Variants in RPS6KA2 observed in about 807,000 individuals in gnomAD.
RPS6KA2 encodes the protein ribosomal protein S6 kinase A2.
A neutral mutation model predicts 91.8 loss-of-function variants in RPS6KA2; 42 were observed. The ratio of observed to expected loss-of-function variants is 0.46; its 90% CI spans 0.36 to 0.59. The LOEUF is 0.59. Among genes scored for constraint, RPS6KA2 ranks in the 20% least tolerant of loss-of-function variants. The pLI, the probability that RPS6KA2 is intolerant of heterozygous loss-of-function variation, is 0.00. For missense variants in RPS6KA2, 798 were observed against 978.5 expected (o/e 0.82, Z 2.46); for synonymous variants, 414 against 393.6 (o/e 1.05, Z -0.61).
chr6:166,749,909 G>C (rs1791223400), intron 2 of RPS6KA2, among the ~76,000 whole-genome samples: 1 of 151,260 alleles, frequency 6.6e-6, no homozygotes, highest in African/African-American at 2.4e-5. Context: ...ACTAAGGCAG[G>C]AGGCTGGGCA....
intron 1 of RPS6KA2, among the ~76,000 whole-genome samples, chr6:166,861,900 ACAATGCCGTGCGTGTATACACACG>A (rs1394583120): frequency 1.3e-5 from 2 of 152,378 alleles, no homozygotes; most frequent in East Asian, 1.9e-4. Context: ...TACACCACAC[ACAATGCCGTGCGTGTATACACACG>A]CAATGTTTAT....
intron 2 of RPS6KA2, among the ~76,000 whole-genome samples, chr6:166,842,194 T>G (rs993197652): frequency 6.6e-6 from 1 of 152,188 alleles, no homozygotes; most frequent in Admixed American, 6.5e-5. Flanking sequence ...GCACAGTATC[T>G]GCTAGGGGTC....
chr6:166,719,733 T>C (rs1164437721), intron 2 of RPS6KA2, among the ~76,000 whole-genome samples: 1 of 152,242 alleles, frequency 6.6e-6, no homozygotes, highest in Admixed American at 6.5e-5. Flanking sequence ...TCAATCTCAC[T>C]AGTTTCAGAC....
intron 1 of RPS6KA2, among the ~76,000 whole-genome samples, chr6:166,575,538 G>C (rs1359011949): frequency 6.6e-6 from 1 of 152,200 alleles, no homozygotes; most frequent in African/African-American, 2.4e-5. Context: ...GATGGGTTTG[G>C]TGTTGCTTTT....
At chr6:166,832,287 C>T (rs984546406) in intron 2 of RPS6KA2, among the ~76,000 whole-genome samples, 4 of 152,110 alleles carry the variant, frequency 2.6e-5, no homozygotes, top group Non-Finnish European at 4.4e-5. Flanking sequence ...GATTTGGACA[C>T]ATTGGCTGTG....
chr6:166,695,375 G>A (rs1789326991), intron 2 of RPS6KA2, among the ~76,000 whole-genome samples: 1 of 152,232 alleles, frequency 6.6e-6, no homozygotes, highest in Non-Finnish European at 1.5e-5. Context: ...GTGTCATTGA[G>A]GAGACCCACA....
intron 10 of RPS6KA2, among the ~76,000 whole-genome samples, chr6:166,478,034 C>T (rs1781042759): frequency 6.6e-6 from 1 of 152,206 alleles, no homozygotes; most frequent in African/African-American, 2.4e-5. Flanking sequence ...CTCCACTTCT[C>T]CTTTCTGACT....
At chr6:166,844,076 AT>A (rs1366609743) in intron 2 of RPS6KA2, among the ~76,000 whole-genome samples, 9 of 152,162 alleles carry the variant, frequency 5.9e-5, no homozygotes, top group Admixed American at 5.9e-4. Flanking sequence ...AAATAAAAAA[AT>A]AATCACAACT....
chr6:166,810,619 G>A (rs567190886), intron 2 of RPS6KA2, among the ~76,000 whole-genome samples: 1 of 152,284 alleles, frequency 6.6e-6, no homozygotes, highest in East Asian at 1.9e-4. Context: ...TTTGTGGGTC[G>A]AGGCTGTCTT....
intron 1 of RPS6KA2, among the ~76,000 whole-genome samples, chr6:166,555,295 G>A (rs1583275443): frequency 6.6e-6 from 1 of 152,300 alleles, no homozygotes; most frequent in East Asian, 1.9e-4. Flanking sequence ...AAGTCACATA[G>A]CTCTAGACAC....
At chr6:166,421,812 G>C (rs142635631) in intron 17 of RPS6KA2, among the ~76,000 whole-genome samples, 3 of 152,076 alleles carry the variant, frequency 2.0e-5, no homozygotes, top group Non-Finnish European at 4.4e-5. Flanking sequence ...TGAGGAAAAC[G>C]TCATTTTCCT....
chr6:166,600,688 A>C (rs2029954954), intron 1 of RPS6KA2, among the ~76,000 whole-genome samples: 1 of 152,250 alleles, frequency 6.6e-6, no homozygotes. Flanking sequence ...AAGTTGTTGC[A>C]CTTGCCCTAT....
At chr6:166,844,069 T>TA (rs952604303) in intron 2 of RPS6KA2, among the ~76,000 whole-genome samples, 1 of 151,428 alleles carries the variant, frequency 6.6e-6, no homozygotes, top group African/African-American at 2.4e-5. Flanking sequence ...ATAGCATAAA[T>TA]AAAAAAATAA....
At chr6:166,740,852 G>T (rs953709812) in intron 2 of RPS6KA2, among the ~76,000 whole-genome samples, 7 of 152,270 alleles carry the variant, frequency 4.6e-5, no homozygotes, top group African/African-American at 1.7e-4. Context: ...AAATGCAGAT[G>T]AAAATATTCC....
rs560477073 is a variant in RPS6KA2, at chr6:166,566,617, C to A, written c.100-27833G>T. Among the ~76,000 whole-genome samples, 5 of 152,344 alleles carry A rather than the reference C, an allele frequency of 3.3e-5. No homozygotes were observed. The East Asian group carries it at 7.7e-4, about 24-fold the overall frequency. On this transcript the variant is annotated intron_variant, in intron 1 of 20. Transcript: ENST00000265678. ...GGAAGTCCATGCTGGGTCTGCGGAGCCTGTCTTGCACAGGCCCATGGGTCT... is the reference window on the plus strand; with the variant it reads ...GGAAGTCCATGCTGGGTCTGCGGAGACTGTCTTGCACAGGCCCATGGGTCT...
chr6:166,693,683 G>C (rs1329688379), intron 2 of RPS6KA2, among the ~76,000 whole-genome samples: 1 of 152,206 alleles, frequency 6.6e-6, no homozygotes, highest in African/African-American at 2.4e-5. Context: ...GATGTCGTTT[G>C]CATCCTTGTG....
intron 1 of RPS6KA2, among the ~76,000 whole-genome samples, chr6:166,581,333 G>A (rs1021491475): frequency 3.9e-5 from 6 of 152,070 alleles, no homozygotes; most frequent in African/African-American, 9.7e-5. Context: ...GGAGAATGCC[G>A]ACAGCACCTG....
At chr6:166,766,663 T>TC (rs2128605178) in intron 2 of RPS6KA2, among the ~76,000 whole-genome samples, 1 of 152,354 alleles carries the variant, frequency 6.6e-6, no homozygotes, top group South Asian at 2.1e-4. Flanking sequence ...AAAGGATTTT[T>TC]CTAGCTCAAA....
intron 2 of RPS6KA2, among the ~76,000 whole-genome samples, chr6:166,686,751 G>C (rs1370329286): frequency 6.6e-6 from 1 of 152,154 alleles, no homozygotes; most frequent in South Asian, 2.1e-4. Flanking sequence ...GCTATGTTTT[G>C]AGGACCTGTT....
Sources: gnomAD v4.1 joint callset for allele counts (sites outside exome capture counted in the v4.1 genomes callset) on GRCh38, gnomAD v4.1.1 for gene constraint, MANE v1.5 for transcripts, NCBI Gene and HGNC (gene_info 2026-07-23, HGNC 2026-07-21) for gene names.